LHFPL3: variants seen among roughly 807,000 people sequenced by gnomAD.
LHFPL3 encodes LHFPL tetraspan subfamily member 3.
LHFPL3 carries 5 observed loss-of-function variants against 19.3 expected under a neutral mutation model. That is an observed-to-expected ratio of 0.26 (90% CI 0.14 to 0.54). The LOEUF (loss-of-function observed/expected upper bound fraction) is 0.54, where lower values mean the gene tolerates loss of function less well. Among genes scored for constraint, LHFPL3 ranks in the 20% least tolerant of loss-of-function variants. The pLI, the probability that LHFPL3 is intolerant of heterozygous loss-of-function variation, is 0.94. For missense variants in LHFPL3, 249 were observed against 307.4 expected, an observed-to-expected ratio of 0.81 and a Z score of 1.42; for synonymous variants, 133 against 126.2, an observed-to-expected ratio of 1.05 and a Z score of -0.36.
chr7:104,381,115 CAT>C (rs1447393048), intron 1 of LHFPL3, among the ~76,000 whole-genome samples: 1 of 152,116 alleles, frequency 6.6e-6, no homozygotes, highest in Non-Finnish European at 1.5e-5. Context: ...AGATAGAAAA[CAT>C]AGAGCATGAT....
intron 1 of LHFPL3, among the ~76,000 whole-genome samples, chr7:104,716,269 C>T (rs1166874498): frequency 1.3e-5 from 2 of 151,942 alleles, no homozygotes; most frequent in African/African-American, 4.8e-5. Flanking sequence ...ATAGCTTGAA[C>T]CCAAGAGGCA....
intron 2 of LHFPL3, among the ~76,000 whole-genome samples, chr7:104,885,703 C>T (rs1231918770): frequency 6.6e-6 from 1 of 152,188 alleles, no homozygotes; most frequent in African/African-American, 2.4e-5. Flanking sequence ...TCTGCTTCAA[C>T]TCTTACCCCT....
intron 1 of LHFPL3, among the ~76,000 whole-genome samples, chr7:104,441,425 C>A (rs1792221551): frequency 6.6e-6 from 1 of 152,116 alleles, no homozygotes; most frequent in South Asian, 2.1e-4. Flanking sequence ...CTCTTTAAGG[C>A]TGAATAATAT....
intron 1 of LHFPL3, among the ~76,000 whole-genome samples, chr7:104,728,137 A>G (rs1270015959): frequency 1.3e-5 from 2 of 152,196 alleles, no homozygotes; most frequent in Non-Finnish European, 2.9e-5. Flanking sequence ...AAAATAACAA[A>G]TAACTAAAGC....
chr7:104,736,636 C>G (rs758111478), intron 1 of LHFPL3, 39 bp from the exon 2 acceptor site: 4 of 1,360,724 alleles, frequency 2.9e-6, no homozygotes, highest in Non-Finnish European at 4.1e-6. Flanking sequence ...ATTGACTTAT[C>G]TTTTTTGTTT....
At chr7:104,456,238 A>G (rs1162114064) in intron 1 of LHFPL3, among the ~76,000 whole-genome samples, 1 of 152,238 alleles carries the variant, frequency 6.6e-6, no homozygotes, top group Non-Finnish European at 1.5e-5. Flanking sequence ...ATGACTAGAT[A>G]ATTAACTCAA....
chr7:104,374,186 T>TTATC (rs201903374), intron 1 of LHFPL3, among the ~76,000 whole-genome samples: 4 of 107,658 alleles, frequency 3.7e-5, no homozygotes, highest in African/African-American at 1.1e-4. Flanking sequence ...AGTAATTCTA[T>TTATC]TATCTATCTA....
intron 1 of LHFPL3, among the ~76,000 whole-genome samples, chr7:104,658,770 A>G (rs1289508555): frequency 6.6e-6 from 1 of 152,202 alleles, no homozygotes; most frequent in African/African-American, 2.4e-5. Context: ...AGCCTGGCCG[A>G]CAGAGCGAGA....
intron 2 of LHFPL3, among the ~76,000 whole-genome samples, chr7:104,884,124 A>C (rs1345243543): frequency 6.6e-6 from 1 of 152,176 alleles, no homozygotes; most frequent in African/African-American, 2.4e-5. Flanking sequence ...ATTAATACCT[A>C]TACCGTGCCT....
At chr7:104,390,435 G>C (rs1324411997) in intron 1 of LHFPL3, among the ~76,000 whole-genome samples, 1 of 151,972 alleles carries the variant, frequency 6.6e-6, no homozygotes, top group East Asian at 1.9e-4. Flanking sequence ...AGAACATGCG[G>C]TGTTTGGTTT....
chr7:104,745,931 T>C (rs953113030), intron 2 of LHFPL3, among the ~76,000 whole-genome samples: 19 of 152,168 alleles, frequency 1.2e-4, no homozygotes, highest in African/African-American at 4.1e-4. Flanking sequence ...CTCTCATCTA[T>C]ATTGGGGATC....
intron 1 of LHFPL3, among the ~76,000 whole-genome samples, chr7:104,493,196 C>T (rs1047796514): frequency 2.6e-5 from 4 of 152,100 alleles, no homozygotes; most frequent in African/African-American, 7.2e-5. Flanking sequence ...CTTCCTCACT[C>T]GAGGGAATCT....
At chr7:104,829,648 A>G (rs993882519) in intron 2 of LHFPL3, among the ~76,000 whole-genome samples, 44 of 151,816 alleles carry the variant, frequency 2.9e-4, no homozygotes, top group Admixed American at 2.2e-3. Flanking sequence ...TGTCCCTACA[A>G]AGGACATGAA....
At chr7:104,808,123 C>T (rs1389940428) in intron 2 of LHFPL3, among the ~76,000 whole-genome samples, 1 of 152,168 alleles carries the variant, frequency 6.6e-6, no homozygotes, top group Non-Finnish European at 1.5e-5. Flanking sequence ...CCCCATCAGC[C>T]ACACTCTTCC....
chr7:104,420,158 C>T (rs1365727133), intron 1 of LHFPL3, among the ~76,000 whole-genome samples: 1 of 152,178 alleles, frequency 6.6e-6, no homozygotes, highest in African/African-American at 2.4e-5. Context: ...GTGGAAGGCA[C>T]TTTTCTGGGT....
At chr7:104,669,127 A>G in intron 1 of LHFPL3, 3 of 1,613,114 alleles carry the variant, frequency 1.9e-6, no homozygotes, top group Admixed American at 1.7e-5. Context: ...TCCAACTTCT[A>G]AACCTCCCAA....
At chr7:104,349,533 T>G (rs1790135568) in intron 1 of LHFPL3, among the ~76,000 whole-genome samples, 1 of 152,214 alleles carries the variant, frequency 6.6e-6, no homozygotes. Context: ...CCTTTGATTT[T>G]GAAATGACTT....
At chr7:104,516,075 T>C (rs1793914272) in intron 1 of LHFPL3, among the ~76,000 whole-genome samples, 1 of 152,106 alleles carries the variant, frequency 6.6e-6, no homozygotes. Context: ...GGGTAATTTA[T>C]AAAGGAAAAA....
At chr7:104,835,534 A>T (rs1791073544) in intron 2 of LHFPL3, among the ~76,000 whole-genome samples, 1 of 151,610 alleles carries the variant, frequency 6.6e-6, no homozygotes, top group South Asian at 2.1e-4. Flanking sequence ...CAGTTCTAGG[A>T]GATGGCAAAC....
Sources: gnomAD v4.1 joint callset for allele counts (sites outside exome capture counted in the v4.1 genomes callset) on GRCh38, gnomAD v4.1.1 for gene constraint, MANE v1.5 for transcripts, NCBI Gene and HGNC (gene_info 2026-07-23, HGNC 2026-07-21) for gene names.